The following GRIN2B variants were observed in gnomAD, a reference collection of about 807,000 sequenced individuals.
GRIN2B encodes the protein glutamate receptor ionotropic, NMDA 2B.
Under a neutral mutation model 114.5 loss-of-function variants are expected in GRIN2B, and 5 were observed. The observed-to-expected ratio is 0.04, with a 90% CI of 0.02 to 0.09. GRIN2B has a LOEUF of 0.09. GRIN2B is among the 10% of genes least tolerant of loss of function. The pLI is 1.00. For synonymous variants in GRIN2B, 787 were observed against 745.1 expected (o/e 1.06, Z -0.92); for missense variants, 1,108 against 1,943.5 (o/e 0.57, Z 8.08).
intron 4 of GRIN2B, among the ~76,000 whole-genome samples, chr12:13,694,200 C>T (rs796884800): frequency 3.9e-5 from 6 of 152,290 alleles, no homozygotes; most frequent in African/African-American, 7.2e-5. Flanking sequence ...TTGAACATCA[C>T]ACAGCTCAAC....
intron 3 of GRIN2B, among the ~76,000 whole-genome samples, chr12:13,780,155 C>G (rs968166792): frequency 2.0e-5 from 3 of 152,108 alleles, no homozygotes; most frequent in African/African-American, 7.2e-5. Context: ...CTAGATGATA[C>G]CTTTCCTGGC....
chr12:13,943,456 C>T (rs571253888), intron 2 of GRIN2B, among the ~76,000 whole-genome samples: 85 of 152,222 alleles, frequency 5.6e-4, no homozygotes, highest in South Asian at 5.0e-3. Flanking sequence ...CCCCTGACTC[C>T]CCCATTGAAT....
chr12:13,920,439 T>G (rs1017454560), intron 2 of GRIN2B, among the ~76,000 whole-genome samples: 1 of 152,208 alleles, frequency 6.6e-6, no homozygotes, highest in Non-Finnish European at 1.5e-5. Context: ...AAGACTGCTT[T>G]ATCCTAGGCA....
rs201978018 is a variant in GRIN2B, at chr12:13,563,908, A to G, written c.3330T>C (p.Arg1110=). 1 of 1,614,086 alleles carries G rather than the reference A, an allele frequency of 6.2e-7. No individual in the cohort carries two copies. Among genetic ancestry groups the G allele is most frequent in the Non-Finnish European group, 8.5e-7 (1 of 1,179,982 alleles). Residue 1110 remains arginine (R), a synonymous_variant, in exon 14 of 14, where the codon CGT becomes CGC. Coordinates refer to ENST00000609686, the MANE Select transcript of GRIN2B (RefSeq NM_000834.5). ...GGTCAGGGGAGCGGGGCGGTCGGCG[A>G]CGGTAGGCCAGCTCGATCTCGTCAA... ...REFDEIELAY[R]RRPPRSPDHK... is the part of the protein sequence containing the mutation.
intron 10 of GRIN2B, among the ~76,000 whole-genome samples, chr12:13,575,995 A>C (rs908931395): frequency 6.6e-6 from 1 of 152,194 alleles, no homozygotes; most frequent in African/African-American, 2.4e-5. Flanking sequence ...ATGTTCCCTA[A>C]GTTTGAAAAT....
At position 13,981,364 on chromosome 12, in the gene GRIN2B, T is replaced by G. The variant is rs904155403; in HGVS notation, c.-470A>C. The G allele has an allele frequency of 6.6e-6, 1 of 152,254 alleles. No individual in the cohort carries two copies. The highest frequency in any genetic ancestry group is 2.4e-5 in the African/African-American group (1 of 41,436). 9.4% of individuals were successfully genotyped at this position (152,254 alleles called of 1,614,324 possible). The stretch of plus-strand genomic sequence containing the variant: ...TACCGGCTCCGAGCGCCTCCGCGGT[T>G]GCAGTCTGCGGAGAGGGGTGGCCGG... On this transcript the variant is annotated 5_prime_UTR_variant, in exon 1 of 14. Coordinates refer to ENST00000609686, the MANE Select transcript of GRIN2B (RefSeq NM_000834.5).
intron 2 of GRIN2B, among the ~76,000 whole-genome samples, chr12:13,884,402 T>A (rs1866119851): frequency 6.6e-6 from 1 of 152,162 alleles, no homozygotes; most frequent in Non-Finnish European, 1.5e-5. Flanking sequence ...TACTACAAAT[T>A]TCTTAAATTT....
At chr12:13,880,923 G>A (rs1301944684) in intron 2 of GRIN2B, among the ~76,000 whole-genome samples, 6 of 152,130 alleles carry the variant, frequency 3.9e-5, no homozygotes, top group African/African-American at 7.2e-5. Flanking sequence ...TTGAGACCTC[G>A]CATCTGGAGG....
intron 4 of GRIN2B, among the ~76,000 whole-genome samples, chr12:13,690,324 C>T (rs55745048): frequency 0.016 from 2,329 of 146,698 alleles, 31 homozygotes; most frequent in African/African-American, 0.043. Flanking sequence ...CACATGCACA[C>T]GCACAATCTA....
At position 13,562,997 on chromosome 12, in the gene GRIN2B, G is replaced by T; in HGVS notation, c.4241C>A (p.Ala1414Glu). Residue 1414 changes from alanine to glutamate, a missense_variant, in exon 14 of 14, where the codon GCG becomes GAG. Coordinates refer to ENST00000609686, the MANE Select transcript of GRIN2B (RefSeq NM_000834.5). ...CCGGAAGTCCGGCCTGGCTTTCGAC[G>T]CCCCCGCCACCGTGGGCTGCCTGAA... ...YFFRQPTVAG[A>E]SKARPDFRAL... is the part of the protein sequence containing the mutation. 6.2e-7 allele frequency: 1 copy of T among 1,613,332 alleles called. No individual in the cohort carries two copies. The highest frequency in any genetic ancestry group is 8.5e-7 in the Non-Finnish European group (1 of 1,179,392).
At chr12:13,686,013 C>T (rs1397593218) in intron 4 of GRIN2B, among the ~76,000 whole-genome samples, 1 of 151,992 alleles carries the variant, frequency 6.6e-6, no homozygotes, top group Admixed American at 6.6e-5. Context: ...AACTGTGAAG[C>T]CAAATGTGTA....
At chr12:13,725,044 A>G (rs974128970) in intron 4 of GRIN2B, among the ~76,000 whole-genome samples, 5 of 152,146 alleles carry the variant, frequency 3.3e-5, no homozygotes, top group Non-Finnish European at 5.9e-5. Context: ...CTTGAGACAG[A>G]GCAATAATGC....
At chr12:13,643,908 T>C (rs1949740984) in intron 5 of GRIN2B, among the ~76,000 whole-genome samples, 1 of 152,166 alleles carries the variant, frequency 6.6e-6, no homozygotes, top group Non-Finnish European at 1.5e-5. Flanking sequence ...TAATTCCAGA[T>C]CTCATACTGT....
chr12:13,663,380 T>G (rs1158084984), intron 5 of GRIN2B, among the ~76,000 whole-genome samples: 1 of 152,148 alleles, frequency 6.6e-6, no homozygotes, highest in Non-Finnish European at 1.5e-5. Flanking sequence ...AACATGGTGG[T>G]TTATTACAGT....
At chr12:13,783,222 A>C (rs1021746931) in intron 3 of GRIN2B, among the ~76,000 whole-genome samples, 1 of 152,102 alleles carries the variant, frequency 6.6e-6, no homozygotes, top group Non-Finnish European at 1.5e-5. Flanking sequence ...TCGCACCCCA[A>C]TCACCAAGGG....
At chr12:13,735,318 T>C (rs1441933544) in intron 4 of GRIN2B, among the ~76,000 whole-genome samples, 4 of 152,182 alleles carry the variant, frequency 2.6e-5, no homozygotes, top group African/African-American at 9.6e-5. Flanking sequence ...ATGAAGGTGA[T>C]AGGTTTTTTA....
At chr12:13,718,446 C>T (rs1950478208) in intron 4 of GRIN2B, among the ~76,000 whole-genome samples, 1 of 151,938 alleles carries the variant, frequency 6.6e-6, no homozygotes, top group African/African-American at 2.4e-5. Context: ...AGCCAAGACC[C>T]GGACTGGACC....
At chr12:13,608,068 C>T (rs985808198) in intron 10 of GRIN2B, among the ~76,000 whole-genome samples, 30 of 152,332 alleles carry the variant, frequency 2.0e-4, no homozygotes, top group African/African-American at 7.2e-4. Flanking sequence ...CATTCATCAG[C>T]ACCACACAGG....
chr12:13,675,558 G>C (rs1950065354), intron 5 of GRIN2B, among the ~76,000 whole-genome samples, 187 bp downstream of exon 5: 1 of 152,112 alleles, frequency 6.6e-6, no homozygotes, highest in African/African-American at 2.4e-5. Context: ...ACAATCCCTT[G>C]ATTAACCAAA....
Sources: allele counts gnomAD v4.1 joint callset (sites outside exome capture counted in the v4.1 genomes callset), GRCh38; gene constraint gnomAD v4.1.1; transcripts MANE v1.5; gene names NCBI Gene and HGNC (gene_info 2026-07-23, HGNC 2026-07-21).